The following PDK2 variants were observed in gnomAD, a reference collection of about 807,000 sequenced individuals.
PDK2 encodes the protein pyruvate dehydrogenase kinase, isozyme 2.
In PDK2, 34 loss-of-function variants were observed where a neutral mutation model predicts 50.4. The ratio of observed to expected loss-of-function variants is 0.68; its 90% CI spans 0.51 to 0.90. The LOEUF (loss-of-function observed/expected upper bound fraction) is 0.90. PDK2 is among the 40% of genes least tolerant of loss of function. PDK2 has a pLI of 0.00. For missense variants in PDK2, 377 were observed against 544.5 expected (o/e 0.69, Z 3.06); for synonymous variants, 232 against 216.0 (o/e 1.07, Z -0.65).
At chr17:50,106,138 G>A (rs1567713621) in intron 4 of PDK2, 69 bp downstream of exon 4, 2 of 1,548,568 alleles carry the variant, frequency 1.3e-6, no homozygotes, top group South Asian at 2.4e-5. Context: ...GGGCCGGGCT[G>A]CTGAGGGGAC....
intron 3 of PDK2, 46 bp downstream of exon 3, chr17:50,105,488 G>A (rs753013740): frequency 2.6e-6 from 4 of 1,527,182 alleles, no homozygotes; most frequent in Non-Finnish European, 3.6e-6. Context: ...TGTTGGCCAG[G>A]GGCATCTGGG....
chr17:50,103,319 T>G lies in PDK2; in HGVS notation c.261-2052T>G, dbSNP rs77355816. ...TGGGCCTGAGACAGCCCCCTTCGTG[T>G]GGCAGTGGGGCAGGTCTCCAGGGCA... On this transcript the variant is annotated intron_variant, in intron 2 of 10. Transcript: ENST00000503176. Among the ~76,000 whole-genome samples, 22 of 152,252 alleles carry G rather than the reference T, an allele frequency of 1.4e-4. No individual in the cohort carries two copies. In the East Asian group the frequency reaches 3.3e-3, roughly 23 times the overall value.
Position 50,110,589 on chromosome 17 carries a change from C to T in PDK2, c.*492C>T, listed in dbSNP as rs937334316. 6.6e-6 allele frequency: 1 copy of T among 152,478 alleles called. No individual in the cohort carries two copies. Among genetic ancestry groups the T allele is most frequent in the East Asian group, 1.9e-4 (1 of 5,198 alleles). The allele number at this position is 152,478 out of a possible 1,614,324, so 9.4% of individuals were successfully genotyped here. On this transcript the variant is annotated 3_prime_UTR_variant, in exon 11 of 11. Transcript: ENST00000503176. Reference sequence around the variant, plus strand: ...GGACTGAGTGGGGAAAGGAGTTACACCCGTGAGTGGGGAATGAGGCTGGTC... The same window carrying T: ...GGACTGAGTGGGGAAAGGAGTTACATCCGTGAGTGGGGAATGAGGCTGGTC...
At chr17:50,105,771 T>G in intron 3 of PDK2, 114 bp from the exon 4 acceptor site, 1 of 1,390,752 alleles carries the variant, frequency 7.2e-7, no homozygotes, top group African/African-American at 1.4e-5. Context: ...GGGAGGGCAC[T>G]GGGAGTCCAT....
At chr17:50,108,013 C>G in intron 6 of PDK2, 143 bp from the exon 7 acceptor site, 2 of 682,730 alleles carry the variant, frequency 2.9e-6, no homozygotes, top group South Asian at 3.4e-5. Flanking sequence ...GCTACCCCAG[C>G]TCAAGGGAGG....
rs1028537015 is a variant in PDK2 at position 50,109,831 on chromosome 17, C to T, written c.1084-126C>T. The T allele has an allele frequency of 2.4e-5, 26 of 1,066,410 alleles. No individual in the cohort carries two copies. In the Admixed American group the frequency reaches 7.5e-4, roughly 31 times the overall value. 66.1% of individuals were successfully genotyped at this position (1,066,410 alleles called of 1,614,324 possible). On this transcript the variant is annotated intron_variant, in intron 10 of 10. Coordinates refer to ENST00000503176, the MANE Select transcript of PDK2 (RefSeq NM_002611.5). This position sits in a 1 kb window ranked among gnomAD's most constrained non-coding sequence, Gnocchi z 5.0. ...AGGAGCGGGACACAGGAGGGACCACCCTTTTGTGGTCTTTCCAGGCCCCCG... is the reference window on the plus strand; with the variant it reads ...AGGAGCGGGACACAGGAGGGACCACTCTTTTGTGGTCTTTCCAGGCCCCCG...
At position 50,095,353 on chromosome 17, in the gene PDK2, C is replaced by A; in HGVS notation, c.-83C>A. The A allele has an allele frequency of 4.1e-6, 4 of 974,180 alleles. No individual in the cohort carries two copies. The highest frequency in any genetic ancestry group is 3.1e-4 in the Middle Eastern group (1 of 3,272). The allele number at this position is 974,180 out of a possible 1,614,324, so 60.3% of individuals were successfully genotyped here. On this transcript the variant is annotated 5_prime_UTR_variant, in exon 1 of 11. Coordinates refer to ENST00000503176, the MANE Select transcript of PDK2 (RefSeq NM_002611.5). ...CGCCAGGGCAAGGGTAGGGAGGAGGCGGCCGAACCGCGTCGCTGGGCCGAA... is the reference window on the plus strand; with the variant it reads ...CGCCAGGGCAAGGGTAGGGAGGAGGAGGCCGAACCGCGTCGCTGGGCCGAA...
At chr17:50,103,765 G>A (rs1910352715) in intron 2 of PDK2, among the ~76,000 whole-genome samples, 1 of 152,202 alleles carries the variant, frequency 6.6e-6, no homozygotes, top group Non-Finnish European at 1.5e-5. Context: ...GTGAACAGAA[G>A]CGTGGAGGTG....
chr17:50,101,895 C>G lies in PDK2; in HGVS notation c.261-3476C>G, dbSNP rs1910249688. 6.6e-6 allele frequency: 1 copy of G among 152,260 alleles called. No homozygotes were observed. The allele number at this position is 152,260 out of a possible 1,614,324, so 9.4% of individuals were successfully genotyped here. A position where few individuals can be genotyped will look rare whatever the true frequency, so the allele number is the denominator to read the frequency against. On this transcript the variant is annotated intron_variant, in intron 2 of 10. Transcript: ENST00000503176. This position sits in a 1 kb window ranked among gnomAD's most constrained non-coding sequence, Gnocchi z 4.2. ...AGCTCCGGATCTCACCAAGGGACTCCTGGGGGCCTTGATTACTGCAGAGGT... is the reference window on the plus strand; with the variant it reads ...AGCTCCGGATCTCACCAAGGGACTCGTGGGGGCCTTGATTACTGCAGAGGT...
chr17:50,108,801 C>T (rs1009089978), intron 9 of PDK2, 82 bp downstream of exon 9: 1 of 869,728 alleles, frequency 1.1e-6, no homozygotes, highest in Non-Finnish European at 1.9e-6. Context: ...CCTGCTCACT[C>T]AGCTTCTGTG....
chr17:50,095,958 T>G (rs1598206036), intron 1 of PDK2: 2 of 487,144 alleles, frequency 4.1e-6, no homozygotes, highest in Non-Finnish European at 5.4e-6. Flanking sequence ...CTGGTGGGAG[T>G]GAGGAGGCAG....
At position 50,101,491 on chromosome 17, in the gene PDK2, A is replaced by G. The variant is rs1356957195; in HGVS notation, c.261-3880A>G. ...GCGGGACACCGCCACCTCTCCCCCA[A>G]GTGCAGCGAGCACCCTCCTCCCCAG... On this transcript the variant is annotated intron_variant, in intron 2 of 10. Coordinates refer to ENST00000503176, the MANE Select transcript of PDK2 (RefSeq NM_002611.5). This position sits in a 1 kb window ranked among gnomAD's most constrained non-coding sequence, Gnocchi z 4.2. 1.3e-5 allele frequency among the ~76,000 whole-genome samples: 2 copies of G among 152,088 alleles called. No individual in the cohort carries two copies. The highest frequency in any genetic ancestry group is 2.4e-5 in the African/African-American group (1 of 41,402).
intron 6 of PDK2, 95 bp downstream of exon 6, chr17:50,107,248 A>G: frequency 1.1e-6 from 1 of 892,184 alleles, no homozygotes; most frequent in Non-Finnish European, 1.9e-6. Context: ...TGTTTTCTAG[A>G]CAGGGGAGAA....
chr17:50,106,295 A>C, intron 4 of PDK2: 1 of 1,206,934 alleles, frequency 8.3e-7, no homozygotes, highest in Admixed American at 3.1e-5. Flanking sequence ...GTGTTTGCAA[A>C]ATGTAAAATT....
chr17:50,099,433 T>A (rs1441443984), intron 2 of PDK2, among the ~76,000 whole-genome samples: 1 of 152,210 alleles, frequency 6.6e-6, no homozygotes, highest in Non-Finnish European at 1.5e-5. Flanking sequence ...CCGCAAAGCT[T>A]GCAAGTAATG....
At chr17:50,097,285 G>C (rs1386836054) in intron 1 of PDK2, 138 bp from the exon 2 acceptor site, 1 of 779,918 alleles carries the variant, frequency 1.3e-6, no homozygotes, top group African/African-American at 1.7e-5. Context: ...CAGGGGATGG[G>C]GAGCCTTGCT....
At position 50,105,703 on chromosome 17, in the gene PDK2, C is replaced by T. The variant is rs112116459; in HGVS notation, c.333-182C>T. 3.8e-3 allele frequency among the ~76,000 whole-genome samples: 573 copies of T among 152,244 alleles called. 1 individual carries two copies. Among genetic ancestry groups the T allele is most frequent in the South Asian group, 0.015 (72 of 4,820 alleles). On this transcript the variant is annotated intron_variant, in intron 3 of 10. Coordinates refer to ENST00000503176, the MANE Select transcript of PDK2 (RefSeq NM_002611.5). ...GGGGAGGATGAGAACTCTGGGCTTT[C>T]GAGTGGGAAGCCTGCCGGCAGGCAG...
chr17:50,108,442 A>G, intron 8 of PDK2, 25 bp downstream of exon 8: 1 of 1,575,444 alleles, frequency 6.3e-7, no homozygotes, highest in South Asian at 1.1e-5. Flanking sequence ...GACCTTGGGG[A>G]CCAGGGAGCA....
Position 50,097,475 on chromosome 17 carries a change from G to C in PDK2, c.171G>C (p.Leu57=). ...CCTTCACCTTCCTCAGGCAGGAGCT[G>C]CCTGTGCGCCTGGCCAACATCATGA... is the stretch of plus-strand genomic sequence containing the variant. ...KTSFTFLRQE[L]PVRLANIMKE... Residue 57 remains leucine (L), a synonymous_variant, in exon 2 of 11, where the codon CTG becomes CTC. Coordinates refer to ENST00000503176, the MANE Select transcript of PDK2 (RefSeq NM_002611.5). The C allele has an allele frequency of 6.2e-7, 1 of 1,613,954 alleles. No homozygotes were observed. Among genetic ancestry groups the C allele is most frequent in the Non-Finnish European group, 8.5e-7 (1 of 1,179,994 alleles).
Sources: gnomAD v4.1 joint callset for allele counts (sites outside exome capture counted in the v4.1 genomes callset) on GRCh38, gnomAD v4.1.1 for gene constraint, Gnocchi (gnomAD v3.1) non-coding constraint, MANE v1.5 for transcripts, NCBI Gene and HGNC (gene_info 2026-07-23, HGNC 2026-07-21) for gene names.